GLRA3: variants seen among roughly 807,000 people sequenced by gnomAD.
GLRA3 encodes the protein glycine receptor alpha 3.
Under a neutral mutation model 60.4 loss-of-function variants are expected in GLRA3, and 44 were observed. That is an observed-to-expected ratio of 0.73 (90% CI 0.57 to 0.94). The LOEUF (loss-of-function observed/expected upper bound fraction) is 0.94. Ranked by LOEUF, GLRA3 falls within the 40% of genes least tolerant of loss-of-function variation. GLRA3 has a pLI of 0.00. For missense variants in GLRA3, 508 were observed against 564.6 expected, an observed-to-expected ratio of 0.90 and a Z score of 1.02; for synonymous variants, 223 against 192.9, an observed-to-expected ratio of 1.16 and a Z score of -1.29.
chr4:174,695,849 T>C (rs114861886), intron 5 of GLRA3, among the ~76,000 whole-genome samples: 2,830 of 152,174 alleles, frequency 0.019, 42 homozygotes, highest in Middle Eastern at 0.071. Flanking sequence ...CCCATAGTCT[T>C]GGCTCAAAAG....
intron 7 of GLRA3, among the ~76,000 whole-genome samples, chr4:174,663,573 C>T (rs952958265): frequency 1.3e-5 from 2 of 152,166 alleles, no homozygotes; most frequent in African/African-American, 4.8e-5. Context: ...TTGTTAACAG[C>T]TTAAAAGCAT....
chr4:174,773,553 C>A (rs912881712), intron 2 of GLRA3, among the ~76,000 whole-genome samples: 14 of 152,062 alleles, frequency 9.2e-5, no homozygotes, highest in African/African-American at 3.1e-4. Context: ...TTTTTAAAGA[C>A]ACAGAATGCA....
At position 174,828,918 on chromosome 4, in the gene GLRA3, G is replaced by A; in HGVS notation, c.-107C>T. 1 of 803,992 alleles carries A rather than the reference G, an allele frequency of 1.2e-6. No individual in the cohort carries two copies. The highest frequency in any genetic ancestry group is 1.5e-5 in the South Asian group (1 of 68,076). The allele number at this position is 803,992 out of a possible 1,614,324, so 49.8% of individuals were successfully genotyped here. A position where few individuals can be genotyped will look rare whatever the true frequency, so the allele number is the denominator to read the frequency against. The stretch of plus-strand genomic sequence containing the variant: ...TCTAACCCCGCATGGTGTTGGTGTA[G>A]ACTGATGCTTGGGAAGCTTCAGCAC... On this transcript the variant is annotated 5_prime_UTR_variant, in exon 1 of 10. Transcript: ENST00000274093.
chr4:174,781,529 G>C (rs1738872573), intron 2 of GLRA3, among the ~76,000 whole-genome samples: 1 of 142,122 alleles, frequency 7.0e-6, no homozygotes, highest in Admixed American at 7.1e-5. Context: ...TCCAGGAGCT[G>C]GTTTTTTGAA....
At chr4:174,728,913 C>T (rs1188105346) in intron 3 of GLRA3, among the ~76,000 whole-genome samples, 1 of 152,072 alleles carries the variant, frequency 6.6e-6, no homozygotes, top group Non-Finnish European at 1.5e-5. Flanking sequence ...TGCTGTAAAC[C>T]TAAAACTCCT....
At chr4:174,784,430 C>T (rs1336525870) in intron 2 of GLRA3, among the ~76,000 whole-genome samples, 2 of 142,802 alleles carry the variant, frequency 1.4e-5, no homozygotes, top group Admixed American at 1.4e-4. Flanking sequence ...AACTAACCTG[C>T]ACAATGTGCA....
chr4:174,813,869 A>G (rs1489348743), intron 1 of GLRA3, among the ~76,000 whole-genome samples: 5 of 152,168 alleles, frequency 3.3e-5, no homozygotes, highest in Non-Finnish European at 7.3e-5. Context: ...TCTCCAGACT[A>G]TAAACAAGCT....
intron 3 of GLRA3, among the ~76,000 whole-genome samples, chr4:174,743,068 T>G (rs1737088974): frequency 6.6e-6 from 1 of 152,222 alleles, no homozygotes; most frequent in African/African-American, 2.4e-5. Flanking sequence ...CTATTTCCTC[T>G]CTTTTAAATT....
intron 5 of GLRA3, among the ~76,000 whole-genome samples, chr4:174,690,023 G>C (rs1734733480): frequency 6.6e-6 from 1 of 152,062 alleles, no homozygotes; most frequent in Admixed American, 6.5e-5. Flanking sequence ...GCCATAAAAA[G>C]AATGAAACTA....
At chr4:174,738,048 G>C (rs1736872996) in intron 3 of GLRA3, among the ~76,000 whole-genome samples, 1 of 152,118 alleles carries the variant, frequency 6.6e-6, no homozygotes, top group Admixed American at 6.6e-5. Context: ...TTTTCTTTCT[G>C]AGCAATTCAG....
At chr4:174,774,067 C>G (rs1400533333) in intron 2 of GLRA3, among the ~76,000 whole-genome samples, 1 of 152,148 alleles carries the variant, frequency 6.6e-6, no homozygotes, top group Non-Finnish European at 1.5e-5. Flanking sequence ...GGAGTCTGAA[C>G]AGGCATCTAC....
At chr4:174,745,781 A>G (rs1737220774) in intron 3 of GLRA3, among the ~76,000 whole-genome samples, 1 of 146,876 alleles carries the variant, frequency 6.8e-6, no homozygotes, top group Admixed American at 6.7e-5. Flanking sequence ...AACTTGAACA[A>G]CTCAATAGGA....
intron 1 of GLRA3, among the ~76,000 whole-genome samples, chr4:174,826,453 T>C (rs1442321750): frequency 1.3e-5 from 2 of 152,006 alleles, no homozygotes; most frequent in Non-Finnish European, 2.9e-5. Flanking sequence ...GTGGGGTGAG[T>C]GCTTCTGTGA....
intron 1 of GLRA3, among the ~76,000 whole-genome samples, chr4:174,806,513 T>C (rs1740058412): frequency 6.6e-6 from 1 of 152,090 alleles, no homozygotes; most frequent in African/African-American, 2.4e-5. Flanking sequence ...ACATTGAAAA[T>C]ATTCAGAAAA....
chr4:174,827,464 T>G (rs1741023188), intron 1 of GLRA3, among the ~76,000 whole-genome samples: 1 of 151,720 alleles, frequency 6.6e-6, no homozygotes, highest in Admixed American at 6.6e-5. Flanking sequence ...AATTTATATT[T>G]TAACATTAAG....
intron 8 of GLRA3, 98 bp from the exon 9 acceptor site, chr4:174,656,885 A>G: frequency 5.6e-6 from 4 of 709,800 alleles, no homozygotes; most frequent in Non-Finnish European, 1.0e-5. Flanking sequence ...AATTGTATAT[A>G]CCATTTGAAC....
chr4:174,663,522 A>G (rs1050232408), intron 7 of GLRA3, among the ~76,000 whole-genome samples: 2 of 152,184 alleles, frequency 1.3e-5, no homozygotes, highest in African/African-American at 4.8e-5. Context: ...GTGACAACAA[A>G]TATGTGGAAA....
At chr4:174,712,918 T>TAC (rs1561071855) in intron 5 of GLRA3, 2 of 151,906 alleles carry the variant, frequency 1.3e-5, no homozygotes, top group Admixed American at 6.6e-5. Context: ...TGCATATATA[T>TAC]ACACACATAT....
At chr4:174,799,493 C>A (rs1441410019) in intron 1 of GLRA3, among the ~76,000 whole-genome samples, 4 of 152,162 alleles carry the variant, frequency 2.6e-5, no homozygotes, top group Non-Finnish European at 5.9e-5. Flanking sequence ...GGCTAACAAC[C>A]TGAACACCAG....
Sources: allele counts gnomAD v4.1 joint callset (sites outside exome capture counted in the v4.1 genomes callset), GRCh38; gene constraint gnomAD v4.1.1; transcripts MANE v1.5; gene names NCBI Gene and HGNC (gene_info 2026-07-23, HGNC 2026-07-21).